Variants in LARP1B observed in about 807,000 individuals in gnomAD.
The protein encoded by LARP1B is la-related protein 1B.
Under a neutral mutation model 114.2 loss-of-function variants are expected in LARP1B, and 76 were observed. The observed-to-expected ratio is 0.67, with a 90% CI of 0.55 to 0.81. The LOEUF is 0.81. Among genes scored for constraint, LARP1B ranks in the 30% least tolerant of loss-of-function variants. The probability of loss-of-function intolerance (pLI) is 0.00; values close to 1 mark genes in which losing one functional copy is unlikely to be tolerated. For missense variants in LARP1B, 1,014 were observed against 1,075.8 expected (o/e 0.94, Z 0.80); for synonymous variants, 345 against 348.0 (o/e 0.99, Z 0.10).
intron 4 of LARP1B, among the ~76,000 whole-genome samples, chr4:128,080,453 T>C (rs967845864): frequency 1.4e-5 from 2 of 146,852 alleles, no homozygotes; most frequent in African/African-American, 5.5e-5. Flanking sequence ...TAATTTATAG[T>C]ATAAGATTAA....
At chr4:128,103,603 C>T (rs2149754793) in intron 8 of LARP1B, among the ~76,000 whole-genome samples, 1 of 149,190 alleles carries the variant, frequency 6.7e-6, no homozygotes. Context: ...CACTCTGTCA[C>T]CCAGGTTGGA....
At position 128,107,616 on chromosome 4, in the gene LARP1B, C is replaced by G; in HGVS notation, c.988+303C>G. ...AATAACTATAGATATGTATCGTTTT[C>G]CCCTGTAAAATTGGAATAGTATGAT... On this transcript the variant is annotated intron_variant, in intron 9 of 19. Coordinates refer to ENST00000326639, the MANE Select transcript of LARP1B (RefSeq NM_018078.4). 2.9e-6 allele frequency: 4 copies of G among 1,396,738 alleles called. 1 individual carries two copies. The highest frequency in any genetic ancestry group is 3.4e-5 in the South Asian group (2 of 59,256). The allele number at this position is 1,396,738 out of a possible 1,614,324, so 86.5% of individuals were successfully genotyped here.
At chr4:128,084,447 A>G (rs574912398) in intron 5 of LARP1B, among the ~76,000 whole-genome samples, 2 of 152,288 alleles carry the variant, frequency 1.3e-5, no homozygotes, top group South Asian at 4.1e-4. Flanking sequence ...GCACAGCGAA[A>G]CCCCGTCTCC....
At chr4:128,207,035 TTAGTTTGATGCATAATAAAGCAC>T (rs1190828108) in intron 18 of LARP1B, among the ~76,000 whole-genome samples, 198 bp from the exon 19 acceptor site, 2 of 152,352 alleles carry the variant, frequency 1.3e-5, no homozygotes, top group South Asian at 2.1e-4. Flanking sequence ...ATGGTTCAAA[TTAGTTTGATGCATAATAAAGCAC>T]TTAATGCTTG....
intron 9 of LARP1B, among the ~76,000 whole-genome samples, chr4:128,110,457 AG>A (rs1358505704): frequency 1.3e-5 from 2 of 150,578 alleles, no homozygotes; most frequent in African/African-American, 4.9e-5. Flanking sequence ...GCGGATCACG[AG>A]GTCAGGAGAT....
At chr4:128,136,737 A>G (rs959033435) in intron 11 of LARP1B, among the ~76,000 whole-genome samples, 3 of 152,212 alleles carry the variant, frequency 2.0e-5, no homozygotes, top group African/African-American at 7.2e-5. Flanking sequence ...GCACATTATT[A>G]GTGGAATTAA....
intron 16 of LARP1B, among the ~76,000 whole-genome samples, chr4:128,200,150 C>T (rs1040787576): frequency 6.6e-6 from 1 of 152,202 alleles, no homozygotes; most frequent in Non-Finnish European, 1.5e-5. Context: ...ATAATTTAAG[C>T]AGTGAGTCAA....
chr4:128,133,841 C>A (rs1347451221), intron 11 of LARP1B, among the ~76,000 whole-genome samples: 1 of 151,990 alleles, frequency 6.6e-6, no homozygotes, highest in Admixed American at 6.6e-5. Flanking sequence ...GGACTACAGG[C>A]CTGCACCACC....
At position 128,220,267 on chromosome 4, in the gene LARP1B, CA is replaced by C. The variant is rs1420241981; in HGVS notation, n.849-87del. On this transcript the variant is annotated intron_variant and non_coding_transcript_variant, in intron 6 of 7. Coordinates refer to the LARP1B transcript ENST00000503725. ...TTCTTGCCATTTTACAAAGTAGTGTCACCACTTTCCTTTGTGTGTTTAATCT... is the reference window on the plus strand; with the variant it reads ...TTCTTGCCATTTTACAAAGTAGTGTCCCACTTTCCTTTGTGTGTTTAATCT... 1.8e-5 allele frequency: 6 copies of C among 333,992 alleles called. No individual in the cohort carries two copies. The East Asian group carries it at 1.0e-3, about 56-fold the overall frequency. The allele number at this position is 333,992 out of a possible 1,614,324, so 20.7% of individuals were successfully genotyped here.
chr4:128,182,048 G>A (rs184012178), intron 15 of LARP1B, among the ~76,000 whole-genome samples: 6 of 148,884 alleles, frequency 4.0e-5, no homozygotes, highest in African/African-American at 1.2e-4. Context: ...TCCTGATCTC[G>A]TGATCTGCCC....
intron 7 of LARP1B, chr4:128,092,682 A>C: frequency 1.4e-6 from 1 of 727,264 alleles, no homozygotes; most frequent in Non-Finnish European, 1.7e-6. Flanking sequence ...TATCATCATC[A>C]GCCAGGCACC....
chr4:128,133,387 A>G (rs1184245910), intron 11 of LARP1B, among the ~76,000 whole-genome samples: 1 of 152,248 alleles, frequency 6.6e-6, no homozygotes, highest in East Asian at 1.9e-4. Flanking sequence ...AAGTCATCTC[A>G]TGTTCATGGA....
At chr4:128,196,164 T>C (rs1753984488) in intron 15 of LARP1B, among the ~76,000 whole-genome samples, 1 of 139,352 alleles carries the variant, frequency 7.2e-6, no homozygotes, top group African/African-American at 2.7e-5. Flanking sequence ...GGCAGGAAAA[T>C]CACTTGAGCC....
intron 9 of LARP1B, 21 bp from the exon 10 acceptor site, chr4:128,114,549 A>G: frequency 1.3e-6 from 2 of 1,564,568 alleles, no homozygotes; most frequent in Non-Finnish European, 1.7e-6. Flanking sequence ...TTTTAACTAT[A>G]GAACTAACTT....
At chr4:128,188,733 C>T (rs984576035) in intron 15 of LARP1B, among the ~76,000 whole-genome samples, 2 of 152,102 alleles carry the variant, frequency 1.3e-5, no homozygotes, top group Non-Finnish European at 2.9e-5. Context: ...TTGAAGTTTT[C>T]TTCTTAATTT....
rs556524234 is a variant in LARP1B, at chr4:128,155,551, C to T, written c.1525-6643C>T. 7.8e-4 allele frequency: 629 copies of T among 804,782 alleles called. 7 individuals are homozygous for T. Among genetic ancestry groups the T allele is most frequent in the Admixed American group, 3.0e-3 (176 of 58,948 alleles). 49.9% of individuals were successfully genotyped at this position (804,782 alleles called of 1,614,324 possible). On this transcript the variant is annotated intron_variant, in intron 11 of 19. Transcript: ENST00000326639. The stretch of plus-strand genomic sequence containing the variant: ...CAGTGAGGAGCTGCAGTGGATGGTA[C>T]AGCTTCATTTTCTGGGGCCCAGCAG...
Position 128,074,847 on chromosome 4 carries a change from A to C in LARP1B, c.-18-87A>C, listed in dbSNP as rs1767169879. The C allele has an allele frequency of 6.7e-6, 6 of 897,464 alleles. No homozygotes were observed. In the East Asian group the frequency reaches 1.5e-4, roughly 23 times the overall value. The allele number at this position is 897,464 out of a possible 1,614,324, so 55.6% of individuals were successfully genotyped here. A position where few individuals can be genotyped will look rare whatever the true frequency, so the allele number is the denominator to read the frequency against. ...AACTGAATATAAATGATTATTTAAA[A>C]CTCCTTTCACTTTTAGAAAATGTTT... On this transcript the variant is annotated intron_variant, in intron 2 of 19. Coordinates refer to ENST00000326639, the MANE Select transcript of LARP1B (RefSeq NM_018078.4).
At chr4:128,117,290 A>T (rs1044322324) in intron 10 of LARP1B, among the ~76,000 whole-genome samples, 3 of 151,682 alleles carry the variant, frequency 2.0e-5, no homozygotes, top group Non-Finnish European at 2.9e-5. Flanking sequence ...GCTCACTGCA[A>T]CCTTCACCTC....
intron 11 of LARP1B, among the ~76,000 whole-genome samples, chr4:128,151,989 A>T (rs1386202460): frequency 6.6e-6 from 1 of 152,182 alleles, no homozygotes; most frequent in Non-Finnish European, 1.5e-5. Flanking sequence ...TGTCAGTTAC[A>T]AAATTTGATG....
Sources: gnomAD v4.1 joint callset for allele counts (sites outside exome capture counted in the v4.1 genomes callset) on GRCh38, gnomAD v4.1.1 for gene constraint, MANE v1.5 for transcripts, NCBI Gene and HGNC (gene_info 2026-07-23, HGNC 2026-07-21) for gene names.